Variants in ULK4 observed in about 807,000 individuals in gnomAD.
ULK4 encodes the protein unc-51 like kinase 4.
ULK4 carries 133 observed loss-of-function variants against 160.6 expected under a neutral mutation model. That is an observed-to-expected ratio of 0.83 (90% CI 0.72 to 0.96). The LOEUF (loss-of-function observed/expected upper bound fraction) is 0.96, where lower values mean the gene tolerates loss of function less well. Ranked by LOEUF, ULK4 falls within the 40% of genes least tolerant of loss-of-function variation. ULK4 has a pLI of 0.00. For synonymous variants in ULK4, 534 were observed against 539.8 expected, an observed-to-expected ratio of 0.99 and a Z score of 0.15; for missense variants, 1,580 against 1,499.5, an observed-to-expected ratio of 1.05 and a Z score of -0.89.
At chr3:41,656,292 T>A (rs2034934338) in intron 30 of ULK4, among the ~76,000 whole-genome samples, 1 of 152,162 alleles carries the variant, frequency 6.6e-6, no homozygotes, top group African/African-American at 2.4e-5. Context: ...TATTAATATT[T>A]CTTTTATTAT....
At chr3:41,418,367 TAC>T (rs532905494) in intron 34 of ULK4, among the ~76,000 whole-genome samples, 52 of 148,406 alleles carry the variant, frequency 3.5e-4, no homozygotes, top group African/African-American at 1.3e-3. Flanking sequence ...GTTTCTAAGC[TAC>T]ACAGTTTGTC....
chr3:41,735,591 C>T lies in ULK4; in HGVS notation c.2322-17730G>A, dbSNP rs182842661. Among the ~76,000 whole-genome samples, 288 of 152,096 alleles carry T rather than the reference C, an allele frequency of 1.9e-3. 1 individual carries two copies. The highest frequency in any genetic ancestry group is 6.9e-3 in the African/African-American group (285 of 41,488). On this transcript the variant is annotated intron_variant, in intron 22 of 36. Transcript: ENST00000301831. The stretch of plus-strand genomic sequence containing the variant: ...CCATTCCATTTGAATTCATTCTGGA[C>T]AATATCACAAGTGGTTCCTTGCTGA...
At chr3:41,872,877 G>A (rs1697150241) in intron 17 of ULK4, among the ~76,000 whole-genome samples, 1 of 152,128 alleles carries the variant, frequency 6.6e-6, no homozygotes, top group South Asian at 2.1e-4. Context: ...AACTTCGGCT[G>A]GGCGCAGTGG....
At chr3:41,430,020 A>T (rs1047157819) in intron 34 of ULK4, among the ~76,000 whole-genome samples, 15 of 152,204 alleles carry the variant, frequency 9.9e-5, no homozygotes, top group African/African-American at 3.6e-4. Context: ...CTTCATCCTA[A>T]TTTCCTTTCT....
At position 41,747,597 on chromosome 3, in the gene ULK4, A is replaced by G. The variant is rs1030843942; in HGVS notation, c.2321+6764T>C. Among the ~76,000 whole-genome samples the G allele has an allele frequency of 4.6e-5, 7 of 152,134 alleles. No individual in the cohort carries two copies. In the South Asian group the frequency reaches 8.3e-4, roughly 18 times the overall value. ...TGAAGCCCTAACCCTCAATGTGACT[A>G]TATTTGAAGATAGGTGTGTGTTTGG... On this transcript the variant is annotated intron_variant, in intron 22 of 36. Coordinates refer to ENST00000301831, the MANE Select transcript of ULK4 (RefSeq NM_017886.4).
intron 32 of ULK4, among the ~76,000 whole-genome samples, chr3:41,554,870 CA>C (rs1417277305): frequency 6.6e-6 from 1 of 151,736 alleles, no homozygotes; most frequent in African/African-American, 2.4e-5. Flanking sequence ...AATAATAAAA[CA>C]AAAAACCCTT....
chr3:41,379,704 C>G (rs894753812), intron 35 of ULK4, among the ~76,000 whole-genome samples: 1 of 152,178 alleles, frequency 6.6e-6, no homozygotes, highest in African/African-American at 2.4e-5. Flanking sequence ...CTCAACCTTA[C>G]TCATCACCCC....
chr3:41,638,072 CCTTTG>C lies in ULK4; in HGVS notation c.3072-22360_3072-22356del, dbSNP rs367572587. On this transcript the variant is annotated intron_variant, in intron 30 of 36. Transcript: ENST00000301831. ...ATTTGTCCATTTTTGCTTTTTGTTG[CCTTTG>C]CTTTGAGTTCAAAGATATACCAATT... 2.6e-3 allele frequency among the ~76,000 whole-genome samples: 396 copies of C among 152,136 alleles called. 6 individuals are homozygous for C. In the South Asian group the frequency reaches 0.042, roughly 16 times the overall value.
intron 32 of ULK4, among the ~76,000 whole-genome samples, chr3:41,547,406 C>A (rs745436454): frequency 2.0e-5 from 3 of 152,146 alleles, no homozygotes; most frequent in Admixed American, 1.3e-4. Flanking sequence ...AGAAGTGAGG[C>A]AGCCACTGCC....
rs35695794 is a variant in ULK4 at position 41,762,655 on chromosome 3, CTT to C, written c.2194-8169_2194-8168del. On this transcript the variant is annotated intron_variant, in intron 21 of 36. Transcript: ENST00000301831. ...AGCAAGAGAGCCAGGAAGTGTTACA[CTT>C]TTTTTTTTTTTTTTTTTTTTTTTGA... 3.1e-3 allele frequency among the ~76,000 whole-genome samples: 273 copies of C among 88,960 alleles called. No homozygotes were observed. The Middle Eastern group carries it at 0.045, about 15-fold the overall frequency. The allele number at this position is 88,960 out of a possible 152,430, so 58.4% of individuals were successfully genotyped here.
chr3:41,755,891 A>G (rs2038783116), intron 21 of ULK4, among the ~76,000 whole-genome samples: 2 of 152,208 alleles, frequency 1.3e-5, no homozygotes, highest in Non-Finnish European at 2.9e-5. Context: ...GGAAACATTC[A>G]ATGAAATAAT....
At position 41,264,428 on chromosome 3, in the gene ULK4, G is replaced by A. The variant is rs895358058; in HGVS notation, c.3679-14854C>T. 2.6e-5 allele frequency among the ~76,000 whole-genome samples: 4 copies of A among 152,254 alleles called. No homozygotes were observed. In the East Asian group the frequency reaches 7.7e-4, roughly 29 times the overall value. On this transcript the variant is annotated intron_variant, in intron 35 of 36. Transcript: ENST00000301831. The stretch of plus-strand genomic sequence containing the variant: ...TGGCCCTTTGTCCTCAGTGGCAGAA[G>A]CAGTGCCTTGGTGGAGGTGTGAGCC...
chr3:41,508,768 A>G (rs979719420), intron 32 of ULK4, among the ~76,000 whole-genome samples: 11 of 152,188 alleles, frequency 7.2e-5, no homozygotes, highest in African/African-American at 2.4e-4. Flanking sequence ...CCCTAGGGGA[A>G]GGGTGAGAAC....
intron 17 of ULK4, among the ~76,000 whole-genome samples, chr3:41,844,396 G>C (rs556157660): frequency 6.6e-6 from 1 of 152,150 alleles, no homozygotes; most frequent in South Asian, 2.1e-4. Context: ...CACACCCTCC[G>C]CAGCCGCTGG....
At chr3:41,519,411 C>T (rs188212234) in intron 32 of ULK4, among the ~76,000 whole-genome samples, 5 of 152,170 alleles carry the variant, frequency 3.3e-5, no homozygotes, top group East Asian at 1.9e-4. Flanking sequence ...CCGTGGATGC[C>T]GAATGATAAT....
intron 35 of ULK4, among the ~76,000 whole-genome samples, chr3:41,354,500 ATAGT>A (rs1315507098): frequency 1.3e-5 from 2 of 152,224 alleles, no homozygotes; most frequent in Non-Finnish European, 2.9e-5. Flanking sequence ...ACATTTGCAG[ATAGT>A]TCTCATTTAA....
chr3:41,412,786 C>A (rs894073370), intron 34 of ULK4, among the ~76,000 whole-genome samples: 3 of 151,834 alleles, frequency 2.0e-5, no homozygotes, highest in African/African-American at 7.3e-5. Flanking sequence ...GTCTCGAACT[C>A]CTGGCCTCAA....
chr3:41,577,694 T>A (rs2088243248), intron 31 of ULK4, among the ~76,000 whole-genome samples: 5 of 152,182 alleles, frequency 3.3e-5, no homozygotes. Flanking sequence ...TTCAATCATT[T>A]AATTTTAAAG....
At position 41,283,666 on chromosome 3, in the gene ULK4, G is replaced by T. The variant is rs531260692; in HGVS notation, c.3679-34092C>A. Among the ~76,000 whole-genome samples the T allele has an allele frequency of 2.4e-4, 36 of 152,196 alleles. No homozygotes were observed. The South Asian group carries it at 6.8e-3, about 29-fold the overall frequency. ...TCAGCGGGTAGGGGGCTGGGGGAGG[G>T]ATAGCATTAGGAGAAATACCTAATT... On this transcript the variant is annotated intron_variant, in intron 35 of 36. Transcript: ENST00000301831.
Sources: allele counts gnomAD v4.1 joint callset (sites outside exome capture counted in the v4.1 genomes callset), GRCh38; gene constraint gnomAD v4.1.1; transcripts MANE v1.5; gene names NCBI Gene and HGNC (gene_info 2026-07-23, HGNC 2026-07-21).